TRIM6: variants seen among roughly 807,000 people sequenced by gnomAD.
TRIM6 encodes tripartite motif containing 6, also known as tripartite motif-containing protein 6.
In TRIM6, 43 loss-of-function variants were observed where a neutral mutation model predicts 51.2. The ratio of observed to expected loss-of-function variants is 0.84; its 90% CI spans 0.66 to 1.08. The LOEUF is 1.08. Among genes scored for constraint, TRIM6 ranks in the 50% least tolerant of loss-of-function variants. TRIM6 has a pLI of 0.00. For missense variants in TRIM6, 669 were observed against 619.0 expected, an observed-to-expected ratio of 1.08 and a Z score of -0.86; for synonymous variants, 215 against 232.4, an observed-to-expected ratio of 0.93 and a Z score of 0.68.
chr11:5,606,941 C>T (rs915321389), intron 4 of TRIM6, among the ~76,000 whole-genome samples: 8 of 152,196 alleles, frequency 5.3e-5, no homozygotes, highest in South Asian at 2.1e-4. Context: ...CGGTGGCTCA[C>T]GCCTGTAATC....
chr11:5,603,436 A>C lies in TRIM6; in HGVS notation c.208A>C (p.Asn70His). 6.2e-7 allele frequency: 1 copy of C among 1,614,028 alleles called. No homozygotes were observed. Among genetic ancestry groups the C allele is most frequent in the Non-Finnish European group, 8.5e-7 (1 of 1,180,008 alleles). Residue 70 changes from asparagine to histidine, a missense_variant, in exon 2 of 8, where the codon AAT becomes CAT. Asn to His is a moderately conservative substitution (Grantham distance 68). Transcript: ENST00000380097. ...HSFCQACITP[N>H]GRESVIGQEG... ...CTTCTGCCAAGCCTGCATCACACCA[A>C]ATGGCAGGGAATCAGTGATTGGTCA...
rs778519294 is a variant in TRIM6, at chr11:5,610,199, T to G, written c.912T>G (p.Ser304Arg). 6.2e-7 allele frequency: 1 copy of G among 1,613,918 alleles called. No individual in the cohort carries two copies. The highest frequency in any genetic ancestry group is 1.3e-5 in the African/African-American group (1 of 74,870). ...KPEALPTKLR[S>R]MFRAPDLKRM... ...AAGCTCTCCCTACAAAGCTGAGAAG[T>G]ATGTTCCGAGCCCCAGATCTGAAAA... The change falls in exon 6 of 8, where the codon AGT becomes AGG. Residue 304 changes from serine (S) to arginine (R), a missense_variant. Coordinates refer to ENST00000380097, the MANE Select transcript of TRIM6 (RefSeq NM_001003818.3).
rs1389291390 is a variant in TRIM6 at position 5,610,690 on chromosome 11, T to G, written c.986-87T>G. ...ATCCCCGCCATATAGTTCCAGTTCC[T>G]CCAACCACTTCCTGTGTTTCCTCTT... On this transcript the variant is annotated intron_variant, in intron 7 of 7. Transcript: ENST00000380097. 3.8e-6 allele frequency: 6 copies of G among 1,570,798 alleles called. No homozygotes were observed. The East Asian group carries it at 1.3e-4, about 35-fold the overall frequency.
rs540729509 is a variant in TRIM6, at chr11:5,597,390, G to A, written c.17+476G>A. On this transcript the variant is annotated intron_variant, in intron 1 of 7. Coordinates refer to ENST00000380097, the MANE Select transcript of TRIM6 (RefSeq NM_001003818.3). ...CAATCAAAACAATTTTTAAATTATA[G>A]GTTTCTGAAATGCAGGGGGTAGAAA... 4.6e-5 allele frequency among the ~76,000 whole-genome samples: 7 copies of A among 152,214 alleles called. No individual in the cohort carries two copies. The South Asian group carries it at 1.4e-3, about 32-fold the overall frequency.
At chr11:5,605,219 C>T in intron 3 of TRIM6, 118 bp from the exon 4 acceptor site, 2 of 1,352,524 alleles carry the variant, frequency 1.5e-6, no homozygotes, top group Non-Finnish European at 2.1e-6. Context: ...ATTTACCCTC[C>T]CTCTCCCTGG....
At position 5,610,580 on chromosome 11, in the gene TRIM6, C is replaced by T; in HGVS notation, c.985+19C>T. On this transcript the variant is annotated intron_variant, in intron 7 of 7. Transcript: ENST00000380097. The stretch of plus-strand genomic sequence containing the variant: ...TACTGGGGTAAGTAGAAGCCATGGC[C>T]TCTTTGGGCTGGCACATTCTGATCT... The T allele has an allele frequency of 3.7e-6, 6 of 1,609,870 alleles. No individual in the cohort carries two copies. The highest frequency in any genetic ancestry group is 5.1e-6 in the Non-Finnish European group (6 of 1,177,844).
chr11:5,606,963 G>A (rs1848247988), intron 4 of TRIM6, among the ~76,000 whole-genome samples: 1 of 152,172 alleles, frequency 6.6e-6, no homozygotes, highest in Admixed American at 6.5e-5. Context: ...CAGCACTTTG[G>A]GAGGCCGAGG....
chr11:5,609,131 A>G (rs1445680582), intron 5 of TRIM6, among the ~76,000 whole-genome samples: 6 of 152,090 alleles, frequency 3.9e-5, no homozygotes, highest in Non-Finnish European at 7.4e-5. Flanking sequence ...GGAATCAAAC[A>G]TGTTCTCTAT....
chr11:5,596,537 C>CCCCCTTCCCCCTT (rs1564858752), upstream of TRIM6: 2 of 13,972 alleles, frequency 1.4e-4, no homozygotes. Context: ...CTTCCCCCTT[C>CCCCCTTCCCCCTT]CCCCTTCCCC....
chr11:5,604,840 C>T (rs927207490), intron 3 of TRIM6: 3 of 523,230 alleles, frequency 5.7e-6, no homozygotes, highest in African/African-American at 3.9e-5. Context: ...GAGACAATCA[C>T]ATAGCAGAGG....
chr11:5,610,713 C>T, intron 7 of TRIM6, 64 bp from the exon 8 acceptor site: 2 of 1,583,264 alleles, frequency 1.3e-6, no homozygotes, highest in South Asian at 2.3e-5. Flanking sequence ...TGTGTTTCCT[C>T]TTCTCAGCAT....
chr11:5,602,718 C>G (rs1847944084), intron 1 of TRIM6, among the ~76,000 whole-genome samples: 1 of 151,666 alleles, frequency 6.6e-6, no homozygotes, highest in Admixed American at 6.6e-5. Context: ...CTGTGAGAGG[C>G]CAAGGCAGGA....
rs1393851966 is a variant in TRIM6 at position 5,596,850 on chromosome 11, C to T, written c.-48C>T. On this transcript the variant is annotated 5_prime_UTR_variant, in exon 1 of 8. Transcript: ENST00000380097. ...TTGGATTGCTCTGAAGAGCTTTGAC[C>T]ACCTGATATTGCTTACATCTGGAAC... 6.2e-7 allele frequency: 1 copy of T among 1,613,626 alleles called. No homozygotes were observed. Among genetic ancestry groups the T allele is most frequent in the African/African-American group, 1.3e-5 (1 of 74,884 alleles).
intron 6 of TRIM6, 103 bp from the exon 7 acceptor site, chr11:5,610,432 T>C: frequency 1.2e-6 from 2 of 1,603,526 alleles, no homozygotes; most frequent in Non-Finnish European, 1.7e-6. Context: ...GGTGACATCC[T>C]CACAGGATTC....
intron 1 of TRIM6, among the ~76,000 whole-genome samples, chr11:5,599,467 G>C (rs56253733): frequency 6.6e-6 from 1 of 151,862 alleles, no homozygotes; most frequent in African/African-American, 2.4e-5. Context: ...GCAGTGGCAC[G>C]ATCTCGACTC....
intron 4 of TRIM6, among the ~76,000 whole-genome samples, chr11:5,606,376 C>G (rs768105466): frequency 1.3e-5 from 2 of 152,108 alleles, no homozygotes; most frequent in African/African-American, 4.8e-5. Context: ...CTATTTTCTG[C>G]ATAGAATGAA....
At chr11:5,597,129 A>G (rs1391829702) in intron 1 of TRIM6, among the ~76,000 whole-genome samples, 1 of 152,234 alleles carries the variant, frequency 6.6e-6, no homozygotes. Context: ...TGCCGCAGCC[A>G]GACTGCATGT....
intron 1 of TRIM6, among the ~76,000 whole-genome samples, chr11:5,601,219 C>G (rs1847823819): frequency 1.3e-5 from 2 of 152,184 alleles, no homozygotes; most frequent in Admixed American, 1.3e-4. Context: ...GCCTTTACCA[C>G]TGACTGTCTT....
At chr11:5,596,600 C>T (rs1469646598), upstream of TRIM6, 2 of 203,468 alleles carry the variant, frequency 9.8e-6, no homozygotes, top group African/African-American at 2.7e-5. Context: ...GAAGTGAGCA[C>T]CGTTTATCCC....
Sources: gnomAD v4.1 joint callset for allele counts (sites outside exome capture counted in the v4.1 genomes callset) on GRCh38, gnomAD v4.1.1 for gene constraint, MANE v1.5 for transcripts, NCBI Gene and HGNC (gene_info 2026-07-23, HGNC 2026-07-21) for gene names.